MAST2: variants seen among roughly 807,000 people sequenced by gnomAD.
The protein encoded by MAST2 is microtubule-associated serine/threonine-protein kinase 2.
A neutral mutation model predicts 147.4 loss-of-function variants in MAST2; 70 were observed. That is an observed-to-expected ratio of 0.47 (90% CI 0.39 to 0.58). The LOEUF (loss-of-function observed/expected upper bound fraction) is 0.58, where lower values mean the gene tolerates loss of function less well. Among genes scored for constraint, MAST2 ranks in the 20% least tolerant of loss-of-function variants. MAST2 has a pLI of 0.00. For missense variants in MAST2, 2,080 were observed against 2,302.3 expected, an observed-to-expected ratio of 0.90 and a Z score of 1.98; for synonymous variants, 869 against 896.8, an observed-to-expected ratio of 0.97 and a Z score of 0.55.
At chr1:45,843,309 G>A (rs1193083792) in intron 3 of MAST2, among the ~76,000 whole-genome samples, 1 of 151,992 alleles carries the variant, frequency 6.6e-6, no homozygotes, top group East Asian at 1.9e-4. Context: ...TTCTGTTATT[G>A]CTTATGCTTT....
In MAST2 at chr1:45,938,712, C is replaced by A. The variant is rs939738645; in HGVS notation, c.501-20674C>A. On this transcript the variant is annotated intron_variant, in intron 4 of 28. Transcript: ENST00000361297. ...TTCACAGAGTTTATTTTTTAACATT[C>A]TCACCAGCACTAATTACTCTCTCTT... Among the ~76,000 whole-genome samples the A allele has an allele frequency of 2.0e-5, 3 of 152,332 alleles. No individual in the cohort carries two copies. In the East Asian group the frequency reaches 5.8e-4, roughly 29 times the overall value.
chr1:46,001,831 A>T (rs1645287118), intron 6 of MAST2, among the ~76,000 whole-genome samples: 1 of 152,148 alleles, frequency 6.6e-6, no homozygotes, highest in Non-Finnish European at 1.5e-5. Context: ...GCCTTGAACA[A>T]ACCACCCAAA....
intron 3 of MAST2, among the ~76,000 whole-genome samples, chr1:45,834,767 G>A (rs1261303411): frequency 6.6e-6 from 1 of 152,076 alleles, no homozygotes; most frequent in Non-Finnish European, 1.5e-5. Context: ...GTAAAATGAG[G>A]TCAGTTCCTG....
chr1:46,033,891 G>C lies in MAST2; in HGVS notation c.3627G>C (p.Lys1209Asn). ...GPARKGSYKA[K>N]MARRSKRSRG... Reference sequence around the variant, plus strand: ...CTCGGAAGGGCAGCTACAAGGCCAAGATGGCCCGAAGGAGCAAGAGGAGCC... The same window carrying C: ...CTCGGAAGGGCAGCTACAAGGCCAACATGGCCCGAAGGAGCAAGAGGAGCC... The change falls in exon 27 of 29, where the codon AAG (lysine) becomes AAC (asparagine). Residue 1209 changes from lysine (K) to asparagine (N), a missense_variant. By Grantham distance (94) the Lys-to-Asn change is moderately conservative (BLOSUM62 0). Coordinates refer to ENST00000361297, the MANE Select transcript of MAST2 (RefSeq NM_015112.3). 6.2e-7 allele frequency: 1 copy of C among 1,614,198 alleles called. No individual in the cohort carries two copies.
At chr1:46,008,210 GAGGGGC>G in intron 8 of MAST2, 80 bp from the exon 9 acceptor site, 1 of 818,194 alleles carries the variant, frequency 1.2e-6, no homozygotes, top group Non-Finnish European at 2.1e-6. Context: ...AAGATGGTGG[GAGGGGC>G]AGGGTCTCTG....
At chr1:45,915,975 A>G (rs1652439453) in intron 4 of MAST2, among the ~76,000 whole-genome samples, 1 of 152,190 alleles carries the variant, frequency 6.6e-6, no homozygotes, top group South Asian at 2.1e-4. Flanking sequence ...TTAACTTAAA[A>G]TTAACATTTT....
intron 1 of MAST2, 120 bp from the exon 2 acceptor site, chr1:45,824,313 G>A (rs946850269): frequency 1.7e-6 from 1 of 577,540 alleles, no homozygotes; most frequent in African/African-American, 1.9e-5. Context: ...TATGGAGGGG[G>A]AAGTATAATA....
At chr1:45,877,400 T>C (rs559689056) in intron 3 of MAST2, among the ~76,000 whole-genome samples, 1 of 152,306 alleles carries the variant, frequency 6.6e-6, no homozygotes, top group African/African-American at 2.4e-5. Flanking sequence ...CTTAAAGCCT[T>C]ATGAAGGCCT....
intron 3 of MAST2, among the ~76,000 whole-genome samples, chr1:45,832,098 C>A (rs1644976508): frequency 6.6e-6 from 1 of 151,872 alleles, no homozygotes; most frequent in African/African-American, 2.4e-5. Flanking sequence ...TTAATAGTAA[C>A]ATCTAATAAT....
intron 5 of MAST2, among the ~76,000 whole-genome samples, chr1:45,987,143 T>G (rs1571081406): frequency 1.3e-5 from 2 of 152,358 alleles, no homozygotes; most frequent in South Asian, 2.1e-4. Context: ...GTCAAATTAA[T>G]TAACATAAAG....
intron 4 of MAST2, among the ~76,000 whole-genome samples, chr1:45,908,198 T>A (rs576402748): frequency 9.2e-5 from 14 of 152,310 alleles, no homozygotes; most frequent in African/African-American, 2.6e-4. Context: ...TAAGTTTTTT[T>A]AAATTGTTTT....
rs186884045 is a variant in MAST2, at chr1:46,034,242, G to A, written c.3844G>A (p.Val1282Met). ...SPRSPTQGYR[V>M]TPDAVHSVGG... ...CCGATCTCCCACTCAAGGCTACCGGGTGACCCCCGATGCTGTGCATTCAGG... is the reference window on the plus strand; with the variant it reads ...CCGATCTCCCACTCAAGGCTACCGGATGACCCCCGATGCTGTGCATTCAGG... The change falls in exon 28 of 29, where the codon GTG becomes ATG. Residue 1282 changes from valine (V) to methionine (M), a missense_variant. By Grantham distance (21) the Val-to-Met change is conservative. Around this residue, in one of 4 missense-constraint regions of MAST2, gnomAD observed 1,278 missense variants for 1,304.2 expected, o/e 0.98. Transcript: ENST00000361297. 2 of 1,613,706 alleles carry A rather than the reference G, an allele frequency of 1.2e-6. No individual in the cohort carries two copies. The highest frequency in any genetic ancestry group is 1.7e-6 in the Non-Finnish European group (2 of 1,179,782).
intron 3 of MAST2, among the ~76,000 whole-genome samples, chr1:45,862,418 G>A (rs958005247): frequency 6.6e-6 from 1 of 151,830 alleles, no homozygotes; most frequent in Non-Finnish European, 1.5e-5. Flanking sequence ...TTGTTTCCAT[G>A]ATATGGCGTG....
intron 4 of MAST2, among the ~76,000 whole-genome samples, chr1:45,892,506 C>T (rs1268058439): frequency 1.3e-5 from 2 of 152,110 alleles, no homozygotes; most frequent in Admixed American, 6.6e-5. Flanking sequence ...CGTTAGTAGT[C>T]GGCTTCTTAA....
rs34621764 is a variant in MAST2, at chr1:45,903,126, C to CTTTTTTT, written c.500+20746_500+20752dup. Among the ~76,000 whole-genome samples the CTTTTTTT allele has an allele frequency of 2.5e-3, 201 of 79,314 alleles. 6 individuals are homozygous for CTTTTTTT. The highest frequency in any genetic ancestry group is 0.017 in the Middle Eastern group (1 of 60). The allele number at this position is 79,314 out of a possible 152,430, so 52.0% of individuals were successfully genotyped here. A position where few individuals can be genotyped will look rare whatever the true frequency, so the allele number is the denominator to read the frequency against. On this transcript the variant is annotated intron_variant, in intron 4 of 28. Transcript: ENST00000361297. ...AGCATTTAGCACTATAAATTTTTGT[C>CTTTTTTT]TTTTTTTTTTTTTTTTTTTTTGGAG... is the stretch of plus-strand genomic sequence containing the variant.
intron 4 of MAST2, among the ~76,000 whole-genome samples, chr1:45,885,169 A>G (rs566148013): frequency 5.9e-5 from 9 of 152,290 alleles, no homozygotes; most frequent in African/African-American, 1.9e-4. Context: ...TAAAGTTTCT[A>G]TAATTGTCAT....
chr1:45,829,774 A>T lies in MAST2; in HGVS notation c.468+193A>T, dbSNP rs79158324. ...GCTTTGTTGCCCAGGCTGACTTCGA[A>T]CTCCTTGGCTGTAGTATTCCTATTG... On this transcript the variant is annotated intron_variant, in intron 3 of 28. Coordinates refer to ENST00000361297, the MANE Select transcript of MAST2 (RefSeq NM_015112.3). Among the ~76,000 whole-genome samples, 1,147 of 151,606 alleles carry T rather than the reference A, an allele frequency of 7.6e-3. 15 individuals carry two copies. Among genetic ancestry groups the T allele is most frequent in the African/African-American group, 0.027 (1,095 of 41,312 alleles).
intron 5 of MAST2, among the ~76,000 whole-genome samples, chr1:45,966,444 T>C (rs75657209): frequency 6.7e-6 from 1 of 150,164 alleles, no homozygotes; most frequent in African/African-American, 2.4e-5. Context: ...AAAAAAAAAC[T>C]CTTCAAGCTG....
chr1:45,906,730 A>T (rs1650811374), intron 4 of MAST2, among the ~76,000 whole-genome samples: 1 of 151,028 alleles, frequency 6.6e-6, no homozygotes, highest in Admixed American at 6.6e-5. Context: ...AATATTAAAT[A>T]GTGTAGCCCA....
Sources: allele counts gnomAD v4.1 joint callset (sites outside exome capture counted in the v4.1 genomes callset), GRCh38; gene constraint gnomAD v4.1.1; regional missense constraint gnomAD v4.1.1; transcripts MANE v1.5; gene names NCBI Gene and HGNC (gene_info 2026-07-23, HGNC 2026-07-21).